PHACTR4: variants seen among roughly 807,000 people sequenced by gnomAD.
PHACTR4 encodes the protein phosphatase and actin regulator 4.
Under a neutral mutation model 72.7 loss-of-function variants are expected in PHACTR4, and 51 were observed. The observed-to-expected ratio is 0.70, with a 90% confidence interval of 0.56 to 0.89. The LOEUF (loss-of-function observed/expected upper bound fraction) is 0.89, where lower values mean the gene tolerates loss of function less well. Among genes scored for constraint, PHACTR4 ranks in the 40% least tolerant of loss-of-function variants. The pLI, the probability that PHACTR4 is intolerant of heterozygous loss-of-function variation, is 0.00. For missense variants in PHACTR4, 731 were observed against 861.8 expected (o/e 0.85, Z 1.90); for synonymous variants, 255 against 302.5 (o/e 0.84, Z 1.63).
chr1:28,469,948 T>C (rs1286052788), intron 6 of PHACTR4, among the ~76,000 whole-genome samples: 2 of 151,780 alleles, frequency 1.3e-5, no homozygotes, highest in African/African-American at 4.8e-5. Context: ...TCCCAGCTAC[T>C]CAGGAGGCTG....
At chr1:28,415,857 T>C (rs1655074148) in intron 2 of PHACTR4, among the ~76,000 whole-genome samples, 2 of 152,240 alleles carry the variant, frequency 1.3e-5, no homozygotes, top group South Asian at 4.1e-4. Flanking sequence ...AAGTAGTTTG[T>C]TAAGGTAGCA....
chr1:28,485,070 A>G (rs147224161), intron 9 of PHACTR4, among the ~76,000 whole-genome samples: 1 of 152,320 alleles, frequency 6.6e-6, no homozygotes, highest in African/African-American at 2.4e-5. Flanking sequence ...CCTTGAGGAC[A>G]TTAATATGAG....
Position 28,493,057 on chromosome 1 carries a change from A to T in PHACTR4, c.2059A>T (p.Met687Leu). The T allele has an allele frequency of 1.9e-6, 3 of 1,613,610 alleles. No individual in the cohort carries two copies. The highest frequency in any genetic ancestry group is 2.5e-6 in the Non-Finnish European group (3 of 1,179,510). ...ATTAAATGAATTTAAAAGCTCCGAG[A>T]TGGAGGTTCATGAAGAGAGCAAACA... ...KELNEFKSSE[M>L]EVHEESKHFT... Residue 687 changes from methionine to leucine, a missense_variant, in exon 13 of 14, where the codon ATG becomes TTG. Around this residue, in one of 2 missense-constraint regions of PHACTR4, gnomAD observed 110 missense variants for 185.2 expected, o/e 0.59. Coordinates refer to ENST00000373839, the MANE Select transcript of PHACTR4 (RefSeq NM_001048183.3).
rs771815851 is a variant in PHACTR4, at chr1:28,407,468, G to A, written c.16+5G>A. 1.2e-6 allele frequency: 2 copies of A among 1,604,814 alleles called. No individual in the cohort carries two copies. Among genetic ancestry groups the A allele is most frequent in the Admixed American group, 1.7e-5 (1 of 59,668 alleles). On this transcript the variant is annotated splice_donor_5th_base_variant and intron_variant, in intron 2 of 13. Transcript: ENST00000373839. ...GTGGCATGGAAGATCCATTTGGTGAGTATCACCTACATTGTTCTTAGTAAA... is the reference window on the plus strand; with the variant it reads ...GTGGCATGGAAGATCCATTTGGTGAATATCACCTACATTGTTCTTAGTAAA...
At chr1:28,388,500 A>G (rs1197989343) in intron 1 of PHACTR4, among the ~76,000 whole-genome samples, 1 of 152,210 alleles carries the variant, frequency 6.6e-6, no homozygotes, top group South Asian at 2.1e-4. Flanking sequence ...GATGTTGGGT[A>G]AAGTGGATAT....
chr1:28,417,966 A>AT (rs1655215674), intron 2 of PHACTR4, among the ~76,000 whole-genome samples: 1 of 148,774 alleles, frequency 6.7e-6, no homozygotes, highest in Non-Finnish European at 1.5e-5. Context: ...AAAAAAAAAA[A>AT]GACACAAGAA....
chr1:28,495,804 A>G (rs1007729637), intron 13 of PHACTR4, among the ~76,000 whole-genome samples: 10 of 151,710 alleles, frequency 6.6e-5, no homozygotes, highest in African/African-American at 9.7e-5. Flanking sequence ...ATTTGTAGAG[A>G]CAGGGTCTCC....
At chr1:28,493,212 T>C in intron 13 of PHACTR4, 121 bp downstream of exon 13, 1 of 841,248 alleles carries the variant, frequency 1.2e-6, no homozygotes, top group Non-Finnish European at 1.9e-6. Context: ...ATTGCAAGAC[T>C]GCATTCAAAG....
chr1:28,383,367 T>C (rs1652334866), intron 1 of PHACTR4, among the ~76,000 whole-genome samples: 1 of 152,164 alleles, frequency 6.6e-6, no homozygotes, highest in African/African-American at 2.4e-5. Context: ...AAAATAATTT[T>C]TTTTTCTAGT....
intron 6 of PHACTR4, among the ~76,000 whole-genome samples, chr1:28,471,701 T>C (rs1051973486): frequency 1.3e-5 from 2 of 152,112 alleles, no homozygotes; most frequent in East Asian, 1.9e-4. Context: ...GGTGAAACTA[T>C]AGGAATATAT....
chr1:28,394,874 G>A (rs1030803796), intron 1 of PHACTR4, among the ~76,000 whole-genome samples: 22 of 150,742 alleles, frequency 1.5e-4, no homozygotes, highest in African/African-American at 4.4e-4. Flanking sequence ...GGGATTACTG[G>A]GGTGAGCCAC....
intron 2 of PHACTR4, among the ~76,000 whole-genome samples, chr1:28,443,758 T>A (rs1475445805): frequency 1.3e-5 from 2 of 152,144 alleles, no homozygotes; most frequent in African/African-American, 4.8e-5. Context: ...CCTGGCTCAT[T>A]CTTTTTTATG....
intron 2 of PHACTR4, among the ~76,000 whole-genome samples, chr1:28,443,154 C>T (rs996327910): frequency 3.3e-5 from 5 of 152,060 alleles, no homozygotes; most frequent in Admixed American, 2.6e-4. Context: ...TTTTTAGCTT[C>T]TATGTATGAG....
At chr1:28,400,896 A>G (rs1653895579) in intron 1 of PHACTR4, among the ~76,000 whole-genome samples, 1 of 152,122 alleles carries the variant, frequency 6.6e-6, no homozygotes, top group Admixed American at 6.5e-5. Flanking sequence ...AAGGGTTTTA[A>G]GAAGGCAAAG....
intron 6 of PHACTR4, among the ~76,000 whole-genome samples, chr1:28,471,113 C>T (rs766429095): frequency 2.0e-5 from 3 of 151,866 alleles, no homozygotes; most frequent in Non-Finnish European, 4.4e-5. Flanking sequence ...TTTGGGAGGC[C>T]GAGGCGGGTG....
chr1:28,477,212 A>G (rs1659982430), intron 8 of PHACTR4, among the ~76,000 whole-genome samples: 1 of 151,744 alleles, frequency 6.6e-6, no homozygotes, highest in South Asian at 2.1e-4. Context: ...CAGCCTCCCA[A>G]GTAGCTGGGA....
At chr1:28,392,082 T>TA (rs1653095043) in intron 1 of PHACTR4, among the ~76,000 whole-genome samples, 1 of 152,186 alleles carries the variant, frequency 6.6e-6, no homozygotes, top group Non-Finnish European at 1.5e-5. Flanking sequence ...TCTGTGGTTT[T>TA]AGTTACCCAA....
intron 1 of PHACTR4, among the ~76,000 whole-genome samples, chr1:28,387,922 T>C (rs1036685366): frequency 1.4e-4 from 21 of 151,910 alleles, no homozygotes; most frequent in Non-Finnish European, 1.5e-4. Context: ...GAGACAGGGT[T>C]TCTCCATGTT....
chr1:28,496,181 C>A (rs55658975), intron 13 of PHACTR4, among the ~76,000 whole-genome samples: 13,392 of 151,294 alleles, frequency 0.089, 1,282 homozygotes, highest in African/African-American at 0.24. Context: ...CTCAGCCTCG[C>A]GAGTAGCTGG....
Sources: allele counts gnomAD v4.1 joint callset (sites outside exome capture counted in the v4.1 genomes callset), GRCh38; gene constraint gnomAD v4.1.1; regional missense constraint gnomAD v4.1.1; transcripts MANE v1.5; gene names NCBI Gene and HGNC (gene_info 2026-07-23, HGNC 2026-07-21).